Variants in BHMT observed in about 807,000 individuals in gnomAD.
The protein encoded by BHMT is betaine--homocysteine S-methyltransferase 1.
BHMT carries 38 observed loss-of-function variants against 49.5 expected under a neutral mutation model. The observed-to-expected ratio is 0.77, with a 90% confidence interval of 0.59 to 1.01. BHMT has a LOEUF of 1.01. BHMT is among the 50% of genes least tolerant of loss of function. The pLI is 0.00. For missense variants in BHMT, 426 were observed against 495.7 expected, an observed-to-expected ratio of 0.86 and a Z score of 1.34; for synonymous variants, 166 against 176.3, an observed-to-expected ratio of 0.94 and a Z score of 0.46.
chr5:79,116,577 A>G (rs1484480150), intron 2 of BHMT, among the ~76,000 whole-genome samples: 3 of 152,166 alleles, frequency 2.0e-5, no homozygotes, highest in Non-Finnish European at 4.4e-5. Flanking sequence ...TTTGCCCCCA[A>G]ATGGTTTTGC....
chr5:79,120,146 A>G (rs974190646), intron 3 of BHMT: 5 of 478,516 alleles, frequency 1.0e-5, no homozygotes, highest in African/African-American at 2.0e-5. Flanking sequence ...TGTCATATAT[A>G]TATTTATTGT....
intron 4 of BHMT, 80 bp downstream of exon 4, chr5:79,120,621 G>T: frequency 7.6e-7 from 1 of 1,315,518 alleles, no homozygotes; most frequent in South Asian, 1.8e-5. Context: ...AGTACTGTGT[G>T]GGGTTAGGTG....
chr5:79,118,085 T>C (rs929176339), intron 2 of BHMT, among the ~76,000 whole-genome samples: 1 of 152,200 alleles, frequency 6.6e-6, no homozygotes, highest in African/African-American at 2.4e-5. Flanking sequence ...AACCACAGCT[T>C]AGGACAGCTA....
chr5:79,117,681 T>C (rs3797546), intron 2 of BHMT, among the ~76,000 whole-genome samples: 11,097 of 152,272 alleles, frequency 0.073, 586 homozygotes, highest in East Asian at 0.3. Flanking sequence ...TCTCCAGCGT[T>C]AGCGCTGAGA....
intron 1 of BHMT, 28 bp from the exon 2 acceptor site, chr5:79,115,739 C>A (rs756007113): frequency 2.6e-6 from 4 of 1,566,414 alleles, no homozygotes; most frequent in South Asian, 1.2e-5. Flanking sequence ...TCAAGTAACT[C>A]CTTTTCCTCC....
intron 6 of BHMT, 45 bp from the exon 7 acceptor site, chr5:79,127,710 G>T: frequency 6.4e-7 from 1 of 1,571,810 alleles, no homozygotes; most frequent in Non-Finnish European, 8.6e-7. Context: ...GAATTTTTAT[G>T]AAAAGAATGT....
intron 5 of BHMT, among the ~76,000 whole-genome samples, chr5:79,122,055 C>T (rs952492455): frequency 2.0e-5 from 3 of 151,698 alleles, no homozygotes; most frequent in Non-Finnish European, 4.4e-5. Flanking sequence ...GATTCTCCTG[C>T]CTCAGCCTCC....
intron 7 of BHMT, among the ~76,000 whole-genome samples, chr5:79,130,102 A>C (rs1756614055): frequency 6.6e-6 from 1 of 152,080 alleles, no homozygotes; most frequent in South Asian, 2.1e-4. Flanking sequence ...TGAACCTGGG[A>C]GGCGGGGGTT....
At chr5:79,120,634 AATC>A in intron 4 of BHMT, 93 bp downstream of exon 4, 1 of 1,140,646 alleles carries the variant, frequency 8.8e-7, no homozygotes, top group Non-Finnish European at 1.2e-6. Flanking sequence ...GTTAGGTGAC[AATC>A]ATAACTAGCA....
chr5:79,123,869 G>A (rs1336111996), intron 5 of BHMT, among the ~76,000 whole-genome samples: 1 of 152,058 alleles, frequency 6.6e-6, no homozygotes, highest in Non-Finnish European at 1.5e-5. Flanking sequence ...GTCCTTTTTG[G>A]GGGTGGAAAC....
In BHMT at chr5:79,111,825, G is replaced by A; in HGVS notation, c.-61G>A. The A allele has an allele frequency of 6.2e-7, 1 of 1,604,592 alleles. No homozygotes were observed. The highest frequency in any genetic ancestry group is 8.5e-7 in the Non-Finnish European group (1 of 1,175,516). Reference sequence around the variant, plus strand: ...ACTCGGAGCAGCTCGGGGCTGCGCAGCGGGAAGGCTCGCCTAGTCGGTCCG... The same window carrying A: ...ACTCGGAGCAGCTCGGGGCTGCGCAACGGGAAGGCTCGCCTAGTCGGTCCG... On this transcript the variant is annotated 5_prime_UTR_variant, in exon 1 of 8. Transcript: ENST00000274353.
At chr5:79,116,549 T>G (rs1288210518) in intron 2 of BHMT, 1 of 152,212 alleles carries the variant, frequency 6.6e-6, no homozygotes, top group East Asian at 1.9e-4. Flanking sequence ...AATACCTTCA[T>G]GTTGGTTCAG....
At chr5:79,127,043 A>T (rs1756562395) in intron 6 of BHMT, among the ~76,000 whole-genome samples, 1 of 152,236 alleles carries the variant, frequency 6.6e-6, no homozygotes, top group African/African-American at 2.4e-5. Flanking sequence ...CTGCTGTATA[A>T]CACATTAAAT....
At position 79,119,300 on chromosome 5, in the gene BHMT, G is replaced by A. The variant is rs1465104668; in HGVS notation, c.208G>A (p.Val70Ile). 33 of 1,614,002 alleles carry A rather than the reference G, an allele frequency of 2.0e-5. No homozygotes were observed. Among genetic ancestry groups the A allele is most frequent in the African/African-American group, 6.7e-5 (5 of 75,036 alleles). ...HREFLRAGSN[V>I]MQTFTFYASE... ...AGAGTTCCTCAGAGCTGGCTCAAAC[G>A]TCATGCAGACCTTCACCTTCTATGC... The change falls in exon 3 of 8, where the codon GTC (valine) becomes ATC (isoleucine). Residue 70 changes from valine (V) to isoleucine (I), a missense_variant. This residue lies in a region of BHMT where 321 missense variants were observed against 355.9 expected (regional missense o/e 0.90). Transcript: ENST00000274353.
intron 2 of BHMT, among the ~76,000 whole-genome samples, chr5:79,117,228 G>C (rs1197882439): frequency 3.3e-5 from 5 of 152,120 alleles, no homozygotes; most frequent in Non-Finnish European, 5.9e-5. Context: ...ATAACAATTT[G>C]CACACATTTC....
At position 79,120,337 on chromosome 5, in the gene BHMT, T is replaced by C. The variant is rs1756447067; in HGVS notation, c.286-13T>C. The C allele has an allele frequency of 1.3e-6, 2 of 1,598,620 alleles. No individual in the cohort carries two copies. Among genetic ancestry groups the C allele is most frequent in the East Asian group, 4.5e-5 (2 of 44,728 alleles). ...ATGAAAATTTAGATGTCTCATATACTCACCCATTTTAGGGGCAGGAAGTCA... is the reference window on the plus strand; with the variant it reads ...ATGAAAATTTAGATGTCTCATATACCCACCCATTTTAGGGGCAGGAAGTCA... On this transcript the variant is annotated splice_polypyrimidine_tract_variant and intron_variant, in intron 3 of 7. Transcript: ENST00000274353.
chr5:79,115,955 T>A, intron 2 of BHMT, 56 bp downstream of exon 2: 1 of 1,530,220 alleles, frequency 6.5e-7, no homozygotes, highest in South Asian at 1.3e-5. Flanking sequence ...TGGAGGCTCA[T>A]GCCTGTAATC....
chr5:79,120,454 C>T lies in BHMT; in HGVS notation c.390C>T (p.Ser130=), dbSNP rs1756449831. The T allele has an allele frequency of 1.1e-5, 18 of 1,613,986 alleles. No individual in the cohort carries two copies. Among genetic ancestry groups the T allele is most frequent in the Non-Finnish European group, 1.5e-5 (18 of 1,180,032 alleles). ...GGVSQTPSYL[S]CKSETEVKKV... ...TGAGTCAGACACCTTCATACCTTAG[C>T]TGCAAGAGTGAAACTGAAGTCAAAA... The change falls in exon 4 of 8, where the codon AGC becomes AGT. Residue 130 remains serine, a synonymous_variant. Coordinates refer to ENST00000274353, the MANE Select transcript of BHMT (RefSeq NM_001713.3).
chr5:79,128,171 G>A (rs973539390), intron 7 of BHMT, 188 bp downstream of exon 7: 11 of 797,116 alleles, frequency 1.4e-5, no homozygotes, highest in South Asian at 2.3e-5. Flanking sequence ...AATATAGAAC[G>A]TATTTGACCT....
Sources: gnomAD v4.1 joint callset for allele counts (sites outside exome capture counted in the v4.1 genomes callset) on GRCh38, gnomAD v4.1.1 for gene constraint, gnomAD v4.1.1 regional missense constraint, MANE v1.5 for transcripts, NCBI Gene and HGNC (gene_info 2026-07-23, HGNC 2026-07-21) for gene names.